The following ZNF423 variants were observed in gnomAD, a reference collection of about 807,000 sequenced individuals.
ZNF423 encodes the protein zinc finger protein 423.
In ZNF423, 12 loss-of-function variants were observed where a neutral mutation model predicts 95.8. The observed-to-expected ratio is 0.13, with a 90% CI of 0.08 to 0.20. ZNF423 has a LOEUF of 0.20. Among genes scored for constraint, ZNF423 ranks in the 10% least tolerant of loss-of-function variants. The probability of loss-of-function intolerance (pLI) is 1.00; values close to 1 mark genes in which losing one functional copy is unlikely to be tolerated. For missense variants in ZNF423, 1,316 were observed against 1,737.1 expected (o/e 0.76, Z 4.31); for synonymous variants, 749 against 711.9 (o/e 1.05, Z -0.83).
intron 5 of ZNF423, among the ~76,000 whole-genome samples, chr16:49,558,655 C>A (rs139337548): frequency 2.0e-5 from 3 of 152,218 alleles, no homozygotes; most frequent in African/African-American, 7.2e-5. Flanking sequence ...CACACCCACA[C>A]ACACGCACAC....
chr16:49,567,361 G>A (rs1365045084), intron 5 of ZNF423, among the ~76,000 whole-genome samples: 1 of 152,202 alleles, frequency 6.6e-6, no homozygotes, highest in Admixed American at 6.5e-5. Flanking sequence ...CTGCCACTGC[G>A]ATGCTCCCAT....
At chr16:49,517,944 A>G (rs547400179) in intron 7 of ZNF423, 2 of 453,752 alleles carry the variant, frequency 4.4e-6, no homozygotes, top group Non-Finnish European at 8.8e-6. Context: ...TCAAAAGACC[A>G]TTGTTTTTAG....
At chr16:49,711,071 A>G (rs1861346) in intron 3 of ZNF423, among the ~76,000 whole-genome samples, 55,434 of 151,856 alleles carry the variant, frequency 0.37, 11,302 homozygotes, top group African/African-American at 0.54. Context: ...GTGAGATGGG[A>G]TGGGATGGGA....
intron 3 of ZNF423, among the ~76,000 whole-genome samples, chr16:49,666,106 G>A (rs1181511224): frequency 1.3e-5 from 2 of 152,196 alleles, no homozygotes; most frequent in African/African-American, 4.8e-5. Flanking sequence ...GGAGAGCTGG[G>A]GAGACGGAAT....
chr16:49,546,449 T>C (rs1969443907), intron 5 of ZNF423, among the ~76,000 whole-genome samples: 1 of 152,208 alleles, frequency 6.6e-6, no homozygotes, highest in Non-Finnish European at 1.5e-5. Context: ...AGGTAGGATT[T>C]GATAACTCAC....
At position 49,728,974 on chromosome 16, in the gene ZNF423, G is replaced by A. The variant is rs558568863; in HGVS notation, c.301+1797C>T. On this transcript the variant is annotated intron_variant, in intron 3 of 7. Coordinates refer to ENST00000563137, the MANE Select transcript of ZNF423 (RefSeq NM_001379286.1). ...TCTTGGACTGCTGACATCGTGATCC[G>A]CCTGCCTCAGCCTCCCAAAATGCTG... Among the ~76,000 whole-genome samples the A allele has an allele frequency of 8.5e-5, 13 of 152,182 alleles. No individual in the cohort carries two copies. In the East Asian group the frequency reaches 1.2e-3, roughly 14 times the overall value.
intron 1 of ZNF423, among the ~76,000 whole-genome samples, chr16:49,825,784 G>A (rs946875108): frequency 2.6e-5 from 4 of 152,166 alleles, no homozygotes; most frequent in Admixed American, 6.5e-5. Context: ...GTGAATGAAC[G>A]AAGTGGTCAG....
At chr16:49,518,274 C>T (rs1352661775) in intron 7 of ZNF423, 1 of 388,324 alleles carries the variant, frequency 2.6e-6, no homozygotes, top group Non-Finnish European at 5.0e-6. Flanking sequence ...ACATACATGA[C>T]CCCCAAGGTA....
chr16:49,696,761 GC>G (rs368022500), intron 3 of ZNF423, among the ~76,000 whole-genome samples: 4 of 151,484 alleles, frequency 2.6e-5, no homozygotes, highest in Non-Finnish European at 2.9e-5. Context: ...CCTCAGGCAA[GC>G]CCCCCCCACC....
intron 5 of ZNF423, among the ~76,000 whole-genome samples, chr16:49,552,762 T>C (rs1239113625): frequency 6.6e-6 from 1 of 151,890 alleles, no homozygotes; most frequent in African/African-American, 2.4e-5. Context: ...TCACACAGGG[T>C]CCTGCCTGGG....
At position 49,790,339 on chromosome 16, in the gene ZNF423, G is replaced by A. The variant is rs138331840; in HGVS notation, c.41-793C>T. Among the ~76,000 whole-genome samples the A allele has an allele frequency of 4.6e-3, 699 of 152,350 alleles. 11 individuals are homozygous for A. Among genetic ancestry groups the A allele is most frequent in the African/African-American group, 0.016 (655 of 41,584 alleles). Reference sequence around the variant, plus strand: ...ACCACCCAGTTCTCTCTGCACTGTCGATGTTCTTGCTGGCACCACGTGGGT... The same window carrying A: ...ACCACCCAGTTCTCTCTGCACTGTCAATGTTCTTGCTGGCACCACGTGGGT... On this transcript the variant is annotated intron_variant, in intron 1 of 7. Coordinates refer to ENST00000563137, the MANE Select transcript of ZNF423 (RefSeq NM_001379286.1).
At chr16:49,628,764 G>C (rs1291647251) in intron 4 of ZNF423, among the ~76,000 whole-genome samples, 2 of 152,194 alleles carry the variant, frequency 1.3e-5, no homozygotes, top group Non-Finnish European at 2.9e-5. Flanking sequence ...AGTACCAGCT[G>C]CCTGTGGGAG....
chr16:49,682,110 A>G (rs1234777062), intron 3 of ZNF423, among the ~76,000 whole-genome samples: 1 of 148,240 alleles, frequency 6.7e-6, no homozygotes, highest in Non-Finnish European at 1.5e-5. Flanking sequence ...TTCGGAAGCC[A>G]GCTCTCACCC....
intron 1 of ZNF423, among the ~76,000 whole-genome samples, chr16:49,796,676 A>G (rs1460490889): frequency 6.6e-6 from 1 of 152,206 alleles, no homozygotes; most frequent in Non-Finnish European, 1.5e-5. Flanking sequence ...TGCTGGTCCA[A>G]GGGTCAGAGG....
At chr16:49,761,052 G>GCACACACA (rs35910612) in intron 2 of ZNF423, among the ~76,000 whole-genome samples, 1 of 150,726 alleles carries the variant, frequency 6.6e-6, no homozygotes, top group African/African-American at 2.4e-5. Context: ...ACACATACAT[G>GCACACACA]CACACACACA....
chr16:49,664,770 C>T (rs771513916), intron 3 of ZNF423, among the ~76,000 whole-genome samples: 7 of 152,208 alleles, frequency 4.6e-5, no homozygotes, highest in Non-Finnish European at 8.8e-5. Context: ...CCAGGGAAAA[C>T]CCCGCTGCTC....
At chr16:49,540,456 T>G (rs1969210160) in intron 5 of ZNF423, among the ~76,000 whole-genome samples, 1 of 152,016 alleles carries the variant, frequency 6.6e-6, no homozygotes, top group African/African-American at 2.4e-5. Context: ...TTTTTTTCTT[T>G]TTTTGGTAGA....
chr16:49,637,107 G>GACAGT lies in ZNF423; in HGVS notation c.2068_2069insACTGT (p.Thr690AsnfsTer7). ...GGTCGACGTGGTCATGTAATGCACT[G>GACAGT]TCAGGTGCTGCAGGAGGGACTCCTG... On this transcript the variant is annotated frameshift_variant, in exon 4 of 8. Coordinates refer to ENST00000563137, the MANE Select transcript of ZNF423 (RefSeq NM_001379286.1). LOFTEE classifies it high-confidence loss of function. The surrounding 1 kb of genome is among the most constrained non-coding windows in gnomAD (Gnocchi z 5.6). 1 of 1,613,630 alleles carries GACAGT rather than the reference G, an allele frequency of 6.2e-7. No individual in the cohort carries two copies. Among genetic ancestry groups the GACAGT allele is most frequent in the Non-Finnish European group, 8.5e-7 (1 of 1,180,008 alleles).
intron 3 of ZNF423, among the ~76,000 whole-genome samples, chr16:49,655,019 A>G (rs1040818468): frequency 6.6e-6 from 1 of 152,228 alleles, no homozygotes; most frequent in Non-Finnish European, 1.5e-5. Flanking sequence ...GCCAGCAAAG[A>G]CAAATACTAG....
Sources: allele counts gnomAD v4.1 joint callset (sites outside exome capture counted in the v4.1 genomes callset), GRCh38; gene constraint gnomAD v4.1.1; non-coding constraint Gnocchi (gnomAD v3.1); transcripts MANE v1.5; gene names NCBI Gene and HGNC (gene_info 2026-07-23, HGNC 2026-07-21).